EIF3D: variants seen among roughly 807,000 people sequenced by gnomAD.
The protein encoded by EIF3D is eIF3 p66.
In EIF3D, 10 loss-of-function variants were observed where a neutral mutation model predicts 75.4. That is an observed-to-expected ratio of 0.13 (90% confidence interval 0.08 to 0.22). The LOEUF (loss-of-function observed/expected upper bound fraction) is 0.22, where lower values mean the gene tolerates loss of function less well. Ranked by LOEUF, EIF3D falls within the 10% of genes least tolerant of loss-of-function variation. The probability of loss-of-function intolerance (pLI) is 1.00; values close to 1 mark genes in which losing one functional copy is unlikely to be tolerated. For missense variants in EIF3D, 394 were observed against 708.0 expected, an observed-to-expected ratio of 0.56 and a Z score of 5.03; for synonymous variants, 246 against 248.3, an observed-to-expected ratio of 0.99 and a Z score of 0.09.
intron 9 of EIF3D, among the ~76,000 whole-genome samples, chr22:36,517,783 T>C (rs2145872556): frequency 6.6e-6 from 1 of 152,282 alleles, no homozygotes; most frequent in South Asian, 2.1e-4. Flanking sequence ...AGTCTTGCTC[T>C]GTCACCCAGG....
intron 5 of EIF3D, 35 bp from the exon 6 acceptor site, chr22:36,523,316 TTTAAA>T: frequency 6.5e-7 from 1 of 1,547,042 alleles, no homozygotes; most frequent in Non-Finnish European, 8.9e-7. Flanking sequence ...AGTGCAGACC[TTTAAA>T]CCAGTGGCTT....
intron 7 of EIF3D, among the ~76,000 whole-genome samples, chr22:36,519,778 C>T (rs991969627): frequency 1.2e-4 from 18 of 152,096 alleles, no homozygotes; most frequent in Admixed American, 6.6e-4. Flanking sequence ...GTAGGGTGAC[C>T]GAGGCTAAGA....
At chr22:36,519,695 T>G (rs970664081) in intron 7 of EIF3D, among the ~76,000 whole-genome samples, 158 bp from the exon 8 acceptor site, 1 of 152,162 alleles carries the variant, frequency 6.6e-6, no homozygotes, top group Non-Finnish European at 1.5e-5. Flanking sequence ...GCTTGCTCAG[T>G]TCCTGTCCAC....
intron 1 of EIF3D, 28 bp from the exon 2 acceptor site, chr22:36,526,159 G>A (rs201175812): frequency 1.1e-5 from 17 of 1,567,228 alleles, no homozygotes; most frequent in South Asian, 3.5e-5. Context: ...TGTGAGTAGC[G>A]GCATGAACGA....
chr22:36,512,836 G>C, intron 12 of EIF3D: 1 of 497,040 alleles, frequency 2.0e-6, no homozygotes, highest in Non-Finnish European at 3.6e-6. Flanking sequence ...CCTAGACAGG[G>C]AATGATGGAT....
At chr22:36,522,257 G>A (rs1934525477) in intron 6 of EIF3D, among the ~76,000 whole-genome samples, 1 of 152,148 alleles carries the variant, frequency 6.6e-6, no homozygotes. Flanking sequence ...AGAAGGCTGA[G>A]GTAGGAGGAT....
intron 12 of EIF3D, chr22:36,516,075 A>G (rs1485186778): frequency 6.0e-6 from 1 of 165,308 alleles, no homozygotes; most frequent in Non-Finnish European, 1.3e-5. Context: ...AGTCAATGAA[A>G]GAAGAGGTCA....
chr22:36,512,027 G>A (rs967871602), intron 13 of EIF3D, among the ~76,000 whole-genome samples: 5 of 151,692 alleles, frequency 3.3e-5, no homozygotes, highest in South Asian at 2.1e-4. Context: ...AGTAGCTGGG[G>A]CTACAGGCGC....
intron 2 of EIF3D, 56 bp downstream of exon 2, chr22:36,525,943 C>T (rs1934591425): frequency 1.2e-5 from 18 of 1,556,428 alleles, no homozygotes; most frequent in Admixed American, 2.1e-5. Flanking sequence ...TAAACAGGGA[C>T]TCGAGAGTAG....
rs1327274123 is a variant in EIF3D, at chr22:36,513,805, C to G, written c.1207-1203G>C. On this transcript the variant is annotated intron_variant, in intron 12 of 14. Transcript: ENST00000216190. ...TCATGAACCCAAGCGATTCTCCCAC[C>G]TCAGGCTCCTGAGTAGCTAGGACTA... is the stretch of plus-strand genomic sequence containing the variant. Among the ~76,000 whole-genome samples the G allele has an allele frequency of 6.6e-5, 10 of 152,344 alleles. No homozygotes were observed. In the South Asian group the frequency reaches 8.3e-4, roughly 13 times the overall value.
intron 14 of EIF3D, 127 bp from the exon 15 acceptor site, chr22:36,511,127 A>C (rs1934327207): frequency 8.5e-7 from 1 of 1,172,788 alleles, no homozygotes; most frequent in Admixed American, 2.8e-5. Context: ...TAAGCCTTTC[A>C]GATGCTCACA....
intron 13 of EIF3D, 29 bp downstream of exon 13, chr22:36,512,431 A>G (rs369476789): frequency 6.2e-7 from 1 of 1,612,688 alleles, no homozygotes; most frequent in Non-Finnish European, 8.5e-7. Flanking sequence ...TCACAAGATC[A>G]GCTGCCAGCT....
rs774190986 is a variant in EIF3D, at chr22:36,517,441, C to T, written c.860-10G>A. On this transcript the variant is annotated splice_polypyrimidine_tract_variant and intron_variant, in intron 9 of 14. Coordinates refer to ENST00000216190, the MANE Select transcript of EIF3D (RefSeq NM_003753.4). ...CTCACTGTCAGGAGGTCTGCAAAAG[C>T]GTGGCATGGTCACTCACCATGCAAC... 8.7e-6 allele frequency: 14 copies of T among 1,604,024 alleles called. No homozygotes were observed. Among genetic ancestry groups the T allele is most frequent in the East Asian group, 6.7e-5 (3 of 44,530 alleles).
chr22:36,519,515 A>G lies in EIF3D; in HGVS notation c.601T>C (p.Tyr201His). 6.2e-7 allele frequency: 1 copy of G among 1,614,192 alleles called. No homozygotes were observed. The highest frequency in any genetic ancestry group is 8.5e-7 in the Non-Finnish European group (1 of 1,180,034). The change falls in exon 8 of 15, where the codon TAC (tyrosine) becomes CAC (histidine). Residue 201 changes from tyrosine to histidine, a missense_variant. Transcript: ENST00000216190. ...ATGCGGTCAAAGGCTTTGTCGTAGT[A>G]TTCTAGGGCCCCACAACACTCACTG... ...QDIECCGALE[Y>H]YDKAFDRITT...
intron 12 of EIF3D, among the ~76,000 whole-genome samples, chr22:36,514,644 AAG>A (rs1482177204): frequency 6.6e-6 from 1 of 152,180 alleles, no homozygotes; most frequent in African/African-American, 2.4e-5. Context: ...TCTAGGAGCC[AAG>A]AGAGGCTCCC....
chr22:36,517,787 A>T lies in EIF3D; in HGVS notation c.860-356T>A, dbSNP rs543819457. ...TTTTGAGATGGAGTCTTGCTCTGTC[A>T]CCCAGGTTGGAGTGCAGTGGTGTGT... On this transcript the variant is annotated intron_variant, in intron 9 of 14. Coordinates refer to ENST00000216190, the MANE Select transcript of EIF3D (RefSeq NM_003753.4). 6.8e-4 allele frequency among the ~76,000 whole-genome samples: 103 copies of T among 152,130 alleles called. 1 individual carries two copies. The South Asian group carries it at 0.012, about 18-fold the overall frequency.
At chr22:36,515,768 C>T (rs963326711) in intron 12 of EIF3D, among the ~76,000 whole-genome samples, 3 of 151,916 alleles carry the variant, frequency 2.0e-5, no homozygotes, top group East Asian at 1.9e-4. Context: ...GTAACACAGA[C>T]GGCAAAACGA....
intron 12 of EIF3D, among the ~76,000 whole-genome samples, chr22:36,514,016 A>T (rs1448061958): frequency 6.6e-6 from 1 of 152,240 alleles, no homozygotes; most frequent in Non-Finnish European, 1.5e-5. Context: ...GGGGCCCTGA[A>T]CTAGGGCAAT....
intron 9 of EIF3D, among the ~76,000 whole-genome samples, chr22:36,517,947 C>T (rs1346732834): frequency 2.6e-5 from 4 of 151,958 alleles, no homozygotes; most frequent in Non-Finnish European, 5.9e-5. Flanking sequence ...TGGGTTTCAC[C>T]ATGTTGGCCA....
Sources: gnomAD v4.1 joint callset for allele counts (sites outside exome capture counted in the v4.1 genomes callset) on GRCh38, gnomAD v4.1.1 for gene constraint, MANE v1.5 for transcripts, NCBI Gene and HGNC (gene_info 2026-07-23, HGNC 2026-07-21) for gene names.